Variants in UNC13B observed in about 807,000 individuals in gnomAD.
UNC13B encodes protein unc-13 homolog B.
UNC13B carries 144 observed loss-of-function variants against 211.0 expected under a neutral mutation model. The ratio of observed to expected loss-of-function variants is 0.68; its 90% CI spans 0.60 to 0.78. The LOEUF (loss-of-function observed/expected upper bound fraction) is 0.78. Among genes scored for constraint, UNC13B ranks in the 30% least tolerant of loss-of-function variants. The probability of loss-of-function intolerance (pLI) is 0.00; values close to 1 mark genes in which losing one functional copy is unlikely to be tolerated. For missense variants in UNC13B, 1,777 were observed against 2,002.0 expected, an observed-to-expected ratio of 0.89 and a Z score of 2.14; for synonymous variants, 709 against 725.8, an observed-to-expected ratio of 0.98 and a Z score of 0.37.
chr9:35,301,340 A>C lies in UNC13B; in HGVS notation c.1936A>C (p.Ser646Arg), dbSNP rs1829672929. The change falls in exon 9 of 40, where the codon AGT becomes CGT. Residue 646 changes from serine to arginine, a missense_variant. By Grantham distance (110) the Ser-to-Arg change is moderately radical. Coordinates refer to ENST00000635942, the MANE Select transcript of UNC13B (RefSeq NM_001371189.2). ...TATTGCAAAGGACTTGGCTCCACAG[A>C]GTCAGAGTTCAGTTATAAAGTCGGT... ...ESIAKDLAPQ[S>R]QSSVIKSVFS... 1 of 398,760 alleles carries C rather than the reference A, an allele frequency of 2.5e-6. No homozygotes were observed. The highest frequency in any genetic ancestry group is 4.4e-6 in the Non-Finnish European group (1 of 225,954). 24.7% of individuals were successfully genotyped at this position (398,760 alleles called of 1,614,324 possible).
intron 1 of UNC13B, among the ~76,000 whole-genome samples, chr9:35,218,203 C>T (rs1362489786): frequency 6.6e-6 from 1 of 152,054 alleles, no homozygotes; most frequent in Non-Finnish European, 1.5e-5. Flanking sequence ...GTAACAAAAA[C>T]AATAACATGT....
chr9:35,320,129 C>G (rs1307057338), intron 11 of UNC13B, among the ~76,000 whole-genome samples: 1 of 152,144 alleles, frequency 6.6e-6, no homozygotes, highest in Non-Finnish European at 1.5e-5. Flanking sequence ...TTTCTTTATC[C>G]AGTCCACTGT....
rs538160774 is a variant in UNC13B at position 35,180,228 on chromosome 9, G to A, written c.22+17923G>A. 6.6e-5 allele frequency among the ~76,000 whole-genome samples: 10 copies of A among 152,226 alleles called. No individual in the cohort carries two copies. In the Middle Eastern group the frequency reaches 0.01, roughly 155 times the overall value. The stretch of plus-strand genomic sequence containing the variant: ...CTTTTGGTTTGAGAGAGACCTTATA[G>A]AGAGTAAATTTTATTGATTTTTGGA... On this transcript the variant is annotated intron_variant, in intron 1 of 39. Coordinates refer to ENST00000635942, the MANE Select transcript of UNC13B (RefSeq NM_001371189.2).
intron 1 of UNC13B, among the ~76,000 whole-genome samples, chr9:35,212,335 G>A (rs1335303868): frequency 6.6e-6 from 1 of 152,232 alleles, no homozygotes; most frequent in East Asian, 1.9e-4. Context: ...GACTTTGGGA[G>A]GCCGAGATTA....
intron 11 of UNC13B, among the ~76,000 whole-genome samples, chr9:35,336,800 A>G (rs1831687935): frequency 6.6e-6 from 1 of 152,214 alleles, no homozygotes; most frequent in Admixed American, 6.5e-5. Flanking sequence ...TTGGAGTGAC[A>G]CAGACGTTCA....
chr9:35,323,123 C>T (rs898827499), intron 11 of UNC13B, among the ~76,000 whole-genome samples: 2 of 151,656 alleles, frequency 1.3e-5, no homozygotes, highest in African/African-American at 4.8e-5. Flanking sequence ...CAGAGTTAAT[C>T]CATCCATTTA....
At chr9:35,292,201 A>G (rs968971860) in intron 7 of UNC13B, among the ~76,000 whole-genome samples, 7 of 152,178 alleles carry the variant, frequency 4.6e-5, no homozygotes, top group African/African-American at 1.4e-4. Context: ...GACTCAATCC[A>G]GGAATACCAC....
At chr9:35,174,106 A>C (rs1821479242) in intron 1 of UNC13B, among the ~76,000 whole-genome samples, 1 of 151,786 alleles carries the variant, frequency 6.6e-6, no homozygotes, top group Non-Finnish European at 1.5e-5. Context: ...TATTCATCTA[A>C]GACAGGGAGC....
rs542439601 is a variant in UNC13B, at chr9:35,304,371, T to C, written c.4967T>C (p.Phe1656Ser). Residue 1656 changes from phenylalanine (F) to serine (S), a missense_variant, in exon 9 of 40, where the codon TTT (phenylalanine) becomes TCT (serine). Transcript: ENST00000635942. Reference sequence around the variant, plus strand: ...TTTTCAGGCTATAATCGTCAAAAGTTTAAAGGAGACTTTAGATCTTTCAAA... The same window carrying C: ...TTTTCAGGCTATAATCGTCAAAAGTCTAAAGGAGACTTTAGATCTTTCAAA... Reference protein sequence around the residue: ...LDFSGYNRQKFKGDFRSFKER... With the variant: ...LDFSGYNRQKSKGDFRSFKER... 7 of 398,594 alleles carry C rather than the reference T, an allele frequency of 1.8e-5. No homozygotes were observed. Among genetic ancestry groups the C allele is most frequent in the Middle Eastern group, 6.2e-4 (1 of 1,610 alleles). 24.7% of individuals were successfully genotyped at this position (398,594 alleles called of 1,614,324 possible).
chr9:35,258,831 A>G (rs1010400427), intron 6 of UNC13B, among the ~76,000 whole-genome samples, 162 bp from the exon 7 acceptor site: 2 of 152,250 alleles, frequency 1.3e-5, no homozygotes, highest in African/African-American at 4.8e-5. Context: ...CTATATGTCA[A>G]CATCACACAG....
chr9:35,174,739 C>T (rs930608413), intron 1 of UNC13B, among the ~76,000 whole-genome samples: 1 of 152,026 alleles, frequency 6.6e-6, no homozygotes, highest in African/African-American at 2.4e-5. Context: ...TTAGTAGAGA[C>T]GGGGTTCCAC....
intron 11 of UNC13B, among the ~76,000 whole-genome samples, chr9:35,356,456 G>T (rs1284445508): frequency 6.6e-6 from 1 of 151,718 alleles, no homozygotes; most frequent in South Asian, 2.1e-4. Flanking sequence ...TTTTATTCCT[G>T]TCACTCCACC....
Position 35,395,405 on chromosome 9 carries a change from G to C in UNC13B, c.11309-1071G>C, listed in dbSNP as rs773189591. Among the ~76,000 whole-genome samples, 71 of 152,150 alleles carry C rather than the reference G, an allele frequency of 4.7e-4. 1 individual carries two copies. The highest frequency in any genetic ancestry group is 1.8e-4 in the Non-Finnish European group (12 of 68,028). Reference sequence around the variant, plus strand: ...GAAGCCCTTTGAGGCAGAATCCCGGGCTTCCATTTCCTCCTTCAGTGTCTG... The same window carrying C: ...GAAGCCCTTTGAGGCAGAATCCCGGCCTTCCATTTCCTCCTTCAGTGTCTG... On this transcript the variant is annotated intron_variant, in intron 26 of 39. Transcript: ENST00000635942.
rs1829906333 is a variant in UNC13B at position 35,306,046 on chromosome 9, T to G, written c.6642T>G (p.Phe2214Leu). 2.5e-6 allele frequency: 1 copy of G among 398,902 alleles called. No homozygotes were observed. Among genetic ancestry groups the G allele is most frequent in the Non-Finnish European group, 4.4e-6 (1 of 226,064 alleles). 24.7% of individuals were successfully genotyped at this position (398,902 alleles called of 1,614,324 possible). A position where few individuals can be genotyped will look rare whatever the true frequency, so the allele number is the denominator to read the frequency against. Residue 2214 changes from phenylalanine to leucine, a missense_variant, in exon 9 of 40, where the codon TTT becomes TTG. By Grantham distance (22) the Phe-to-Leu change is conservative. Coordinates refer to ENST00000635942, the MANE Select transcript of UNC13B (RefSeq NM_001371189.2). ...ATGCCTCTCATAGTAGTTCTACTTT[T>G]AGTTTCTTCAGCTTGTCCTTTTTGG... ...KKDASHSSST[F>L]SFFSLSFLDQ...
chr9:35,297,704 CGT>C (rs1829461488), intron 8 of UNC13B, among the ~76,000 whole-genome samples: 1 of 151,950 alleles, frequency 6.6e-6, no homozygotes, highest in Non-Finnish European at 1.5e-5. Flanking sequence ...CACCCGCCAC[CGT>C]GCCCGGCTAA....
At chr9:35,361,975 G>A (rs1055981591) in intron 11 of UNC13B, 2 of 152,228 alleles carry the variant, frequency 1.3e-5, no homozygotes, top group Non-Finnish European at 2.9e-5. Flanking sequence ...AACGGTAGGG[G>A]AAGTACAAAT....
chr9:35,403,344 C>CTCCAG (rs1836455121), intron 38 of UNC13B, 85 bp downstream of exon 38: 1 of 1,603,100 alleles, frequency 6.2e-7, no homozygotes, highest in Non-Finnish European at 8.5e-7. Flanking sequence ...CATCCCAGCC[C>CTCCAG]TCCAGCTCAG....
intron 7 of UNC13B, among the ~76,000 whole-genome samples, chr9:35,282,275 C>T (rs1828540550): frequency 6.6e-6 from 1 of 152,180 alleles, no homozygotes; most frequent in Non-Finnish European, 1.5e-5. Flanking sequence ...ACCCCCTCTT[C>T]CCTAAAAGTA....
At chr9:35,174,045 T>A (rs1356000786) in intron 1 of UNC13B, among the ~76,000 whole-genome samples, 4 of 152,346 alleles carry the variant, frequency 2.6e-5, no homozygotes, top group African/African-American at 9.6e-5. Flanking sequence ...AATGAGTACT[T>A]ATTTTAATAT....
Sources: gnomAD v4.1 joint callset for allele counts (sites outside exome capture counted in the v4.1 genomes callset) on GRCh38, gnomAD v4.1.1 for gene constraint, MANE v1.5 for transcripts, NCBI Gene and HGNC (gene_info 2026-07-23, HGNC 2026-07-21) for gene names.